Variants in SGCZ observed in about 807,000 individuals in gnomAD.
The protein encoded by SGCZ is zeta-sarcoglycan.
SGCZ carries 40 observed loss-of-function variants against 41.3 expected under a neutral mutation model. The observed-to-expected ratio is 0.97, with a 90% CI of 0.75 to 1.26. SGCZ has a LOEUF of 1.26. Among genes scored for constraint, SGCZ ranks in the 50% most tolerant of loss-of-function variants. The pLI is 0.00. For synonymous variants in SGCZ, 206 were observed against 137.5 expected, an observed-to-expected ratio of 1.50 and a Z score of -3.49; for missense variants, 552 against 369.8, an observed-to-expected ratio of 1.49 and a Z score of -4.04.
intron 1 of SGCZ, among the ~76,000 whole-genome samples, chr8:15,176,512 T>C (rs1800005383): frequency 6.6e-6 from 1 of 152,186 alleles, no homozygotes; most frequent in South Asian, 2.1e-4. Flanking sequence ...AAATTAACTT[T>C]TAAACATATC....
At chr8:14,210,780 T>C (rs1350144132) in intron 4 of SGCZ, among the ~76,000 whole-genome samples, 1 of 152,198 alleles carries the variant, frequency 6.6e-6, no homozygotes, top group African/African-American at 2.4e-5. Flanking sequence ...TTATTTCTAA[T>C]TTATTTAAAA....
In SGCZ at chr8:14,860,695, GGAAAGAAAGAAAGA is replaced by G. The variant is rs1262231955; in HGVS notation, c.40-305783_40-305770del. On this transcript the variant is annotated intron_variant, in intron 1 of 7. Coordinates refer to ENST00000382080, the MANE Select transcript of SGCZ (RefSeq NM_139167.4). Reference sequence around the variant, plus strand: ...GGGAAAGAGAGAAAGAAAGAAAGAAGGAAAGAAAGAAAGAGAAAGAAAGAAAGAAAGAAAGAAAG... The same window carrying G: ...GGGAAAGAGAGAAAGAAAGAAAGAAGGAAAGAAAGAAAGAAAGAAAGAAAG... Among the ~76,000 whole-genome samples, 230 of 98,676 alleles carry G rather than the reference GGAAAGAAAGAAAGA, an allele frequency of 2.3e-3. 3 individuals are homozygous for G. Among genetic ancestry groups the G allele is most frequent in the African/African-American group, 0.011 (205 of 19,156 alleles). The allele number at this position is 98,676 out of a possible 152,430, so 64.7% of individuals were successfully genotyped here.
At chr8:15,187,181 C>T (rs1042159792) in intron 1 of SGCZ, among the ~76,000 whole-genome samples, 2 of 152,098 alleles carry the variant, frequency 1.3e-5, no homozygotes, top group Non-Finnish European at 2.9e-5. Flanking sequence ...AATAAAGCCA[C>T]TTATGGTAAT....
chr8:14,898,133 CAG>C (rs994682440), intron 1 of SGCZ, among the ~76,000 whole-genome samples: 1 of 151,232 alleles, frequency 6.6e-6, no homozygotes, highest in Non-Finnish European at 1.5e-5. Context: ...ACATTTTTTG[CAG>C]AGACAGGTCT....
At chr8:14,645,854 C>G (rs745619007) in intron 1 of SGCZ, among the ~76,000 whole-genome samples, 59 of 151,810 alleles carry the variant, frequency 3.9e-4, no homozygotes, top group Non-Finnish European at 6.9e-4. Flanking sequence ...ATTATGAAAG[C>G]ATTGTTTTAC....
intron 1 of SGCZ, among the ~76,000 whole-genome samples, chr8:14,866,970 G>A (rs1458590396): frequency 6.6e-6 from 1 of 152,080 alleles, no homozygotes; most frequent in Admixed American, 6.6e-5. Context: ...GTTTTACCTA[G>A]GATACATGTA....
intron 1 of SGCZ, among the ~76,000 whole-genome samples, chr8:14,555,744 G>A (rs910513873): frequency 4.6e-5 from 7 of 151,968 alleles, no homozygotes; most frequent in Non-Finnish European, 8.8e-5. Context: ...TAAAAATGCA[G>A]GATACAAATG....
At chr8:14,433,569 C>G in intron 2 of SGCZ, among the ~76,000 whole-genome samples, 1 of 152,212 alleles carries the variant, frequency 6.6e-6, no homozygotes, top group East Asian at 1.9e-4. Flanking sequence ...CCAAACTAAT[C>G]TGCCATTATG....
At chr8:15,031,101 T>C (rs1371452256) in intron 1 of SGCZ, among the ~76,000 whole-genome samples, 5 of 152,108 alleles carry the variant, frequency 3.3e-5, no homozygotes, top group Non-Finnish European at 7.4e-5. Context: ...TCACTTAAAG[T>C]ATTAGAACAG....
chr8:14,626,731 A>C (rs1388069899), intron 1 of SGCZ, among the ~76,000 whole-genome samples: 1 of 152,182 alleles, frequency 6.6e-6, no homozygotes, highest in Non-Finnish European at 1.5e-5. Flanking sequence ...AGCAAATTCT[A>C]AGGCAGAAGC....
intron 1 of SGCZ, among the ~76,000 whole-genome samples, chr8:15,183,057 C>T (rs533952514): frequency 4.8e-4 from 73 of 152,278 alleles, no homozygotes; most frequent in African/African-American, 1.7e-3. Context: ...ACTGGAAACC[C>T]TTCAGGGGCA....
chr8:14,297,445 A>C (rs1026468618), intron 3 of SGCZ, among the ~76,000 whole-genome samples: 1 of 152,010 alleles, frequency 6.6e-6, no homozygotes, highest in Non-Finnish European at 1.5e-5. Flanking sequence ...AAAAAAAGGG[A>C]AAAGTATCAA....
At chr8:14,667,339 G>A (rs531410392) in intron 1 of SGCZ, among the ~76,000 whole-genome samples, 1 of 151,996 alleles carries the variant, frequency 6.6e-6, no homozygotes, top group Non-Finnish European at 1.5e-5. Flanking sequence ...ACTCATACAG[G>A]GTTTTTCATA....
intron 1 of SGCZ, among the ~76,000 whole-genome samples, chr8:14,751,965 C>A (rs1295464269): frequency 6.7e-6 from 1 of 149,020 alleles, no homozygotes; most frequent in Non-Finnish European, 1.5e-5. Context: ...AAAAAAAACA[C>A]CTTAGAGGAT....
intron 1 of SGCZ, among the ~76,000 whole-genome samples, chr8:15,024,599 A>C (rs1433703054): frequency 6.6e-6 from 1 of 152,172 alleles, no homozygotes; most frequent in East Asian, 1.9e-4. Context: ...AGAGCAGTGT[A>C]ACCAGGCCCA....
intron 2 of SGCZ, among the ~76,000 whole-genome samples, chr8:14,547,159 T>C (rs747625709): frequency 2.0e-5 from 3 of 152,172 alleles, no homozygotes; most frequent in Non-Finnish European, 4.4e-5. Context: ...AATCAGGTAA[T>C]AATTTGACAC....
chr8:14,999,497 C>T (rs1299744753), intron 1 of SGCZ, among the ~76,000 whole-genome samples: 1 of 151,978 alleles, frequency 6.6e-6, no homozygotes, highest in Non-Finnish European at 1.5e-5. Flanking sequence ...CAAGGATAAC[C>T]AAAAGACAAT....
chr8:14,545,438 G>A (rs111338641), intron 2 of SGCZ, among the ~76,000 whole-genome samples: 2,629 of 148,996 alleles, frequency 0.018, 72 homozygotes, highest in African/African-American at 0.061. Context: ...ACAAAATAGC[G>A]AAAACATAAA....
intron 1 of SGCZ, among the ~76,000 whole-genome samples, chr8:14,715,959 G>T (rs1458823343): frequency 6.6e-6 from 1 of 152,026 alleles, no homozygotes; most frequent in Non-Finnish European, 1.5e-5. Context: ...CCACTCACTA[G>T]AAAGAAAAAC....
Sources: allele counts gnomAD v4.1 joint callset (sites outside exome capture counted in the v4.1 genomes callset), GRCh38; gene constraint gnomAD v4.1.1; transcripts MANE v1.5; gene names NCBI Gene and HGNC (gene_info 2026-07-23, HGNC 2026-07-21).